Variants in AUTS2 observed in about 807,000 individuals in gnomAD.
AUTS2 encodes the protein activator of transcription and developmental regulator AUTS2.
AUTS2 carries 17 observed loss-of-function variants against 112.4 expected under a neutral mutation model. That is an observed-to-expected ratio of 0.15 (90% CI 0.10 to 0.23). The LOEUF (loss-of-function observed/expected upper bound fraction) is 0.23, where lower values mean the gene tolerates loss of function less well. Among genes scored for constraint, AUTS2 ranks in the 10% least tolerant of loss-of-function variants. AUTS2 has a pLI of 1.00. For synonymous variants in AUTS2, 751 were observed against 702.7 expected, an observed-to-expected ratio of 1.07 and a Z score of -1.09; for missense variants, 1,510 against 1,701.6, an observed-to-expected ratio of 0.89 and a Z score of 1.98.
intron 2 of AUTS2, among the ~76,000 whole-genome samples, chr7:69,955,352 G>C (rs1268737121): frequency 6.6e-6 from 1 of 152,110 alleles, no homozygotes; most frequent in Non-Finnish European, 1.5e-5. Flanking sequence ...TATATGTCTT[G>C]TTGTGTGTTT....
At position 70,274,315 on chromosome 7, in the gene AUTS2, CAG is replaced by C. The variant is rs1415432489; in HGVS notation, c.660+139745_660+139746del. The stretch of plus-strand genomic sequence containing the variant: ...AAACTCATCTTTTTTTGTTTTGAGA[CAG>C]GGTCTTGCTTTGTTGCTCAGGCTAG... On this transcript the variant is annotated intron_variant, in intron 4 of 18. Transcript: ENST00000342771. Among the ~76,000 whole-genome samples, 12 of 151,882 alleles carry C rather than the reference CAG, an allele frequency of 7.9e-5. No homozygotes were observed. The East Asian group carries it at 2.3e-3, about 29-fold the overall frequency.
In AUTS2 at chr7:70,615,610, G is replaced by A. The variant is rs558985066; in HGVS notation, c.691-82959G>A. 4.6e-5 allele frequency among the ~76,000 whole-genome samples: 7 copies of A among 150,992 alleles called. No individual in the cohort carries two copies. The East Asian group carries it at 1.2e-3, about 25-fold the overall frequency. On this transcript the variant is annotated intron_variant, in intron 5 of 18. Transcript: ENST00000342771. ...TGTTGTTGTTGTTGTTGTTGGAAAA[G>A]CATTTATTCTCTTTAGGAGCCATCA...
At chr7:70,171,195 T>C (rs1057426280) in intron 4 of AUTS2, among the ~76,000 whole-genome samples, 1 of 152,226 alleles carries the variant, frequency 6.6e-6, no homozygotes, top group Non-Finnish European at 1.5e-5. Context: ...AAGTTAGTAC[T>C]CTATTGTTCC....
At chr7:69,726,582 A>T (rs1786527016) in intron 1 of AUTS2, among the ~76,000 whole-genome samples, 1 of 149,064 alleles carries the variant, frequency 6.7e-6, no homozygotes, top group African/African-American at 2.5e-5. Context: ...GAATTTTGTT[A>T]TAGGTATGTC....
chr7:69,766,727 A>C (rs1562869188), intron 1 of AUTS2, among the ~76,000 whole-genome samples: 1 of 152,140 alleles, frequency 6.6e-6, no homozygotes. Flanking sequence ...GCCTCTCATT[A>C]GATTCAACGA....
intron 2 of AUTS2, among the ~76,000 whole-genome samples, chr7:69,917,041 T>A (rs1469465072): frequency 6.6e-6 from 1 of 152,188 alleles, no homozygotes; most frequent in Non-Finnish European, 1.5e-5. Flanking sequence ...TTAGAGAGGA[T>A]CTCACTCTCT....
intron 2 of AUTS2, among the ~76,000 whole-genome samples, chr7:70,023,796 T>A (rs1452120007): frequency 6.6e-6 from 1 of 152,166 alleles, no homozygotes; most frequent in Non-Finnish European, 1.5e-5. Flanking sequence ...CTGCTGCAAA[T>A]CCAGGCCAAG....
intron 4 of AUTS2, among the ~76,000 whole-genome samples, chr7:70,255,663 A>G (rs1451159961): frequency 6.6e-6 from 1 of 151,608 alleles, no homozygotes; most frequent in African/African-American, 2.4e-5. Flanking sequence ...GTAGAATATG[A>G]CTTTTTTTTT....
chr7:69,688,489 CT>C (rs771319434), intron 1 of AUTS2, among the ~76,000 whole-genome samples: 1 of 152,054 alleles, frequency 6.6e-6, no homozygotes, highest in East Asian at 1.9e-4. Flanking sequence ...TGTTTATTTC[CT>C]TTTTTTCTTT....
At chr7:69,900,731 TA>T (rs1257453839) in intron 2 of AUTS2, among the ~76,000 whole-genome samples, 2 of 152,184 alleles carry the variant, frequency 1.3e-5, no homozygotes, top group Non-Finnish European at 2.9e-5. Context: ...ATAATCCTGG[TA>T]AAACATCTGG....
intron 2 of AUTS2, among the ~76,000 whole-genome samples, chr7:70,021,223 C>A (rs1048452920): frequency 2.6e-5 from 4 of 151,520 alleles, no homozygotes; most frequent in Non-Finnish European, 5.9e-5. Context: ...CTCAGGTGAT[C>A]CGCCCGCCTT....
chr7:70,165,286 G>A (rs1157949294), intron 4 of AUTS2, among the ~76,000 whole-genome samples: 1 of 152,170 alleles, frequency 6.6e-6, no homozygotes, highest in Non-Finnish European at 1.5e-5. Flanking sequence ...GATAATGGCT[G>A]AGAATTTTCC....
At chr7:70,053,514 C>CTTCCA (rs1420246135) in intron 2 of AUTS2, among the ~76,000 whole-genome samples, 1 of 142,402 alleles carries the variant, frequency 7.0e-6, no homozygotes, top group East Asian at 2.1e-4. Context: ...CTACAAATGT[C>CTTCCA]TTCCATTGTG....
chr7:70,251,371 A>G (rs1467786770), intron 4 of AUTS2, among the ~76,000 whole-genome samples: 1 of 152,094 alleles, frequency 6.6e-6, no homozygotes, highest in Non-Finnish European at 1.5e-5. Flanking sequence ...CCAATATAAA[A>G]TATTTCAACA....
chr7:69,646,869 G>T (rs930906125), intron 1 of AUTS2, among the ~76,000 whole-genome samples: 6 of 152,126 alleles, frequency 3.9e-5, no homozygotes, highest in African/African-American at 1.4e-4. Flanking sequence ...GGCGGATCAC[G>T]AGATCAGGAG....
intron 4 of AUTS2, among the ~76,000 whole-genome samples, chr7:70,283,169 G>A (rs1200733411): frequency 6.6e-6 from 1 of 152,162 alleles, no homozygotes; most frequent in Non-Finnish European, 1.5e-5. Flanking sequence ...GTGTTTCTGT[G>A]CAAAGTGGCT....
At chr7:70,711,970 A>G (rs1273554941) in intron 6 of AUTS2, among the ~76,000 whole-genome samples, 1 of 151,888 alleles carries the variant, frequency 6.6e-6, no homozygotes, top group Admixed American at 6.6e-5. Context: ...ACAACCCAAC[A>G]TGCTTAAAGG....
intron 5 of AUTS2, among the ~76,000 whole-genome samples, chr7:70,483,834 GT>G (rs1295729918): frequency 1.3e-5 from 2 of 152,000 alleles, no homozygotes; most frequent in African/African-American, 2.4e-5. Context: ...AGATAGCTAA[GT>G]TCCCTTGATA....
chr7:70,462,952 C>T (rs1015944509), intron 5 of AUTS2, among the ~76,000 whole-genome samples: 18 of 147,416 alleles, frequency 1.2e-4, no homozygotes, highest in Admixed American at 6.1e-4. Flanking sequence ...AGCGAGACTC[C>T]GTCTCAAAAA....
Sources: gnomAD v4.1 joint callset for allele counts (sites outside exome capture counted in the v4.1 genomes callset) on GRCh38, gnomAD v4.1.1 for gene constraint, MANE v1.5 for transcripts, NCBI Gene and HGNC (gene_info 2026-07-23, HGNC 2026-07-21) for gene names.